The following PRKCH variants were observed in gnomAD, a reference collection of about 807,000 sequenced individuals.
The protein encoded by PRKCH is protein kinase C eta.
Under a neutral mutation model 82.5 loss-of-function variants are expected in PRKCH, and 28 were observed. The ratio of observed to expected loss-of-function variants is 0.34; its 90% CI spans 0.25 to 0.47. PRKCH has a LOEUF of 0.47. Ranked by LOEUF, PRKCH falls within the 20% of genes least tolerant of loss-of-function variation. PRKCH has a pLI of 1.00. For synonymous variants in PRKCH, 322 were observed against 327.4 expected (o/e 0.98, Z 0.18); for missense variants, 705 against 881.8 (o/e 0.80, Z 2.54).
chr14:61,247,753 A>G (rs1238523227), intron 1 of PRKCH, among the ~76,000 whole-genome samples: 1 of 150,376 alleles, frequency 6.6e-6, no homozygotes, highest in African/African-American at 2.4e-5. Flanking sequence ...AAAAAAAAAA[A>G]AAAAAGAAAG....
intron 9 of PRKCH, among the ~76,000 whole-genome samples, chr14:61,466,543 G>A (rs1885267406): frequency 1.3e-5 from 2 of 152,152 alleles, no homozygotes; most frequent in South Asian, 4.1e-4. Flanking sequence ...GGAAGGGGGA[G>A]CAGCAAAGTA....
chr14:61,216,368 G>A (rs756259488), intron 1 of PRKCH, among the ~76,000 whole-genome samples: 1 of 152,002 alleles, frequency 6.6e-6, no homozygotes, highest in Non-Finnish European at 1.5e-5. Context: ...AGGAGGCTGA[G>A]GCACGAGAAT....
At position 61,375,487 on chromosome 14, in the gene PRKCH, G is replaced by A. The variant is rs1218048379; in HGVS notation, c.364-15738G>A. Among the ~76,000 whole-genome samples, 2 of 151,998 alleles carry A rather than the reference G, an allele frequency of 1.3e-5. 1 individual carries two copies. The highest frequency in any genetic ancestry group is 4.8e-5 in the African/African-American group (2 of 41,262). On this transcript the variant is annotated intron_variant, in intron 1 of 13. Transcript: ENST00000332981. The stretch of plus-strand genomic sequence containing the variant: ...CTCACACTGTTATACAGAACTACGT[G>A]AGACTGGGTAATTCATGAAGAAAAT...
chr14:61,309,647 A>C (rs1468399584), intron 1 of PRKCH, among the ~76,000 whole-genome samples: 1 of 152,076 alleles, frequency 6.6e-6, no homozygotes, highest in Non-Finnish European at 1.5e-5. Flanking sequence ...AAATCACCCA[A>C]ATTTGTCAAA....
At chr14:61,467,810 A>G (rs991822251) in intron 9 of PRKCH, among the ~76,000 whole-genome samples, 1 of 152,236 alleles carries the variant, frequency 6.6e-6, no homozygotes, top group African/African-American at 2.4e-5. Context: ...AATGTCTATG[A>G]AACTAAACTG....
At chr14:61,426,474 A>AGT (rs1456668567) in intron 2 of PRKCH, among the ~76,000 whole-genome samples, 1 of 152,228 alleles carries the variant, frequency 6.6e-6, no homozygotes, top group Non-Finnish European at 1.5e-5. Flanking sequence ...CTCTTTCACA[A>AGT]GTATGGACAA....
intron 1 of PRKCH, among the ~76,000 whole-genome samples, chr14:61,313,437 C>T (rs147714941): frequency 4.4e-4 from 67 of 152,240 alleles, no homozygotes; most frequent in African/African-American, 1.6e-3. Flanking sequence ...ATATTAAGTT[C>T]TGCATTCAGA....
chr14:61,514,446 C>A (rs1566923194), intron 10 of PRKCH, among the ~76,000 whole-genome samples: 1 of 151,964 alleles, frequency 6.6e-6, no homozygotes, highest in African/African-American at 2.4e-5. Flanking sequence ...GAAGGATTGA[C>A]GCCTGGTCTG....
chr14:61,206,988 C>T (rs1346190727), intron 1 of PRKCH, among the ~76,000 whole-genome samples: 1 of 151,500 alleles, frequency 6.6e-6, no homozygotes, highest in Non-Finnish European at 1.5e-5. Context: ...TGCCTTTAAT[C>T]CCAGCTACTC....
chr14:61,373,940 G>T (rs975215467), intron 1 of PRKCH, among the ~76,000 whole-genome samples: 4 of 152,066 alleles, frequency 2.6e-5, no homozygotes, highest in Non-Finnish European at 5.9e-5. Flanking sequence ...GCATTAATGA[G>T]TCCGCAATCC....
At chr14:61,545,832 G>C (rs986566881) in intron 12 of PRKCH, among the ~76,000 whole-genome samples, 3 of 152,180 alleles carry the variant, frequency 2.0e-5, no homozygotes, top group East Asian at 1.9e-4. Flanking sequence ...CAGTGCCAGG[G>C]GCAGGGAGGA....
At chr14:61,393,972 T>C (rs2046728642) in intron 2 of PRKCH, among the ~76,000 whole-genome samples, 1 of 152,222 alleles carries the variant, frequency 6.6e-6, no homozygotes, top group African/African-American at 2.4e-5. Flanking sequence ...ATTTTCCAGG[T>C]ATTTTAATCT....
chr14:61,429,644 A>G (rs1883289970), intron 2 of PRKCH, among the ~76,000 whole-genome samples: 1 of 152,210 alleles, frequency 6.6e-6, no homozygotes, highest in Non-Finnish European at 1.5e-5. Flanking sequence ...TTCAATTAAT[A>G]AAGAACTTGA....
rs143725600 is a variant in PRKCH at position 61,534,213 on chromosome 14, T to C, written c.1761+3618T>C. Among the ~76,000 whole-genome samples the C allele has an allele frequency of 3.1e-3, 475 of 152,342 alleles. 4 individuals are homozygous for C. The highest frequency in any genetic ancestry group is 0.011 in the African/African-American group (452 of 41,580). On this transcript the variant is annotated intron_variant, in intron 12 of 13. Transcript: ENST00000332981. Reference sequence around the variant, plus strand: ...ATGATCTAGCACTTCTACTTCTGGATATTTACCCAAAAGAATTGAAAGTGG... The same window carrying C: ...ATGATCTAGCACTTCTACTTCTGGACATTTACCCAAAAGAATTGAAAGTGG...
At chr14:61,383,396 G>C (rs1423715349) in intron 1 of PRKCH, among the ~76,000 whole-genome samples, 1 of 152,104 alleles carries the variant, frequency 6.6e-6, no homozygotes, top group Non-Finnish European at 1.5e-5. Flanking sequence ...GTCAGATCCT[G>C]CTGGAATGGA....
intron 2 of PRKCH, among the ~76,000 whole-genome samples, chr14:61,416,280 C>T (rs1376153648): frequency 1.3e-5 from 2 of 151,982 alleles, no homozygotes; most frequent in African/African-American, 4.8e-5. Flanking sequence ...GTCTTGAACT[C>T]CTGGGCTCAA....
At chr14:61,503,309 T>TTC in intron 10 of PRKCH, among the ~76,000 whole-genome samples, 1 of 151,326 alleles carries the variant, frequency 6.6e-6, no homozygotes, top group Middle Eastern at 3.4e-3. Flanking sequence ...TTTTTTTTTT[T>TTC]CCTGTAAGAA....
chr14:61,441,359 G>A (rs1161671420), intron 2 of PRKCH, among the ~76,000 whole-genome samples: 6 of 152,274 alleles, frequency 3.9e-5, no homozygotes, highest in South Asian at 4.1e-4. Flanking sequence ...GAGCCGGTGT[G>A]GTAGGGTCAG....
At chr14:61,250,829 A>G (rs886104177) in intron 1 of PRKCH, among the ~76,000 whole-genome samples, 1 of 152,154 alleles carries the variant, frequency 6.6e-6, no homozygotes, top group Non-Finnish European at 1.5e-5. Context: ...ATGTGGGGCA[A>G]GAAGTAGATG....
Sources: allele counts gnomAD v4.1 joint callset (sites outside exome capture counted in the v4.1 genomes callset), GRCh38; gene constraint gnomAD v4.1.1; transcripts MANE v1.5; gene names NCBI Gene and HGNC (gene_info 2026-07-23, HGNC 2026-07-21).